Variants in ODAD1 observed in about 807,000 individuals in gnomAD.
ODAD1 encodes outer dynein arm docking complex subunit 1.
ODAD1 carries 49 observed loss-of-function variants against 67.2 expected under a neutral mutation model. The observed-to-expected ratio is 0.73, with a 90% CI of 0.58 to 0.92. The LOEUF (loss-of-function observed/expected upper bound fraction) is 0.92. ODAD1 is among the 40% of genes least tolerant of loss of function. The probability of loss-of-function intolerance (pLI) is 0.00; values close to 1 mark genes in which losing one functional copy is unlikely to be tolerated. For missense variants in ODAD1, 897 were observed against 953.7 expected, an observed-to-expected ratio of 0.94 and a Z score of 0.78; for synonymous variants, 345 against 393.7, an observed-to-expected ratio of 0.88 and a Z score of 1.46.
intron 1 of ODAD1, among the ~76,000 whole-genome samples, chr19:48,321,190 A>G (rs915129946): frequency 9.2e-5 from 14 of 152,178 alleles, no homozygotes; most frequent in African/African-American, 3.4e-4. Flanking sequence ...GTGAGCCGAG[A>G]TCCCGCCACT....
rs575518928 is a variant in ODAD1, at chr19:48,297,933, C to A, written c.1502+67G>T. 370 of 1,302,968 alleles carry A rather than the reference C, an allele frequency of 2.8e-4. No homozygotes were observed. The South Asian group carries it at 4.2e-3, about 15-fold the overall frequency. 80.7% of individuals were successfully genotyped at this position (1,302,968 alleles called of 1,614,324 possible). On this transcript the variant is annotated intron_variant, in intron 14 of 15. Transcript: ENST00000674294. ...CCAAAAGCCCCCCAAAACTCTCTAT[C>A]CTGTGTGTTCCCTCTGCCCCCATGG...
At chr19:48,317,968 G>A (rs571940608) in intron 5 of ODAD1, among the ~76,000 whole-genome samples, 1 of 152,030 alleles carries the variant, frequency 6.6e-6, no homozygotes, top group East Asian at 1.9e-4. Context: ...AGCTACTCGG[G>A]AAGCTGAGGC....
chr19:48,307,822 C>A (rs1383025606), intron 7 of ODAD1, among the ~76,000 whole-genome samples: 712 of 99,166 alleles, frequency 7.2e-3, no homozygotes, highest in East Asian at 9.0e-3. Context: ...GACTCCGTCT[C>A]AAAAAAAAAA....
chr19:48,299,936 G>T lies in ODAD1; in HGVS notation c.1241-1596C>A, dbSNP rs571470495. 9.3e-5 allele frequency among the ~76,000 whole-genome samples: 14 copies of T among 151,246 alleles called. No individual in the cohort carries two copies. The South Asian group carries it at 2.9e-3, about 32-fold the overall frequency. On this transcript the variant is annotated intron_variant, in intron 12 of 15. Coordinates refer to ENST00000674294, the MANE Select transcript of ODAD1 (RefSeq NM_001364171.2). ...CATGCCTATAATCCCAGCACTTTGG[G>T]AGTCCAAGACAGGAGGATCACTTGA... is the stretch of plus-strand genomic sequence containing the variant.
chr19:48,312,349 T>C (rs1248072251), intron 5 of ODAD1, among the ~76,000 whole-genome samples: 1 of 151,738 alleles, frequency 6.6e-6, no homozygotes, highest in African/African-American at 2.4e-5. Flanking sequence ...CTCACAGGGA[T>C]TGGCCTAGAG....
intron 14 of ODAD1, 31 bp downstream of exon 14, chr19:48,297,969 C>T: frequency 1.3e-6 from 2 of 1,550,242 alleles, no homozygotes; most frequent in Non-Finnish European, 1.8e-6. Flanking sequence ...AAGCCCCGTC[C>T]CCTCTGCGTC....
At chr19:48,297,567 AC>A in intron 15 of ODAD1, 22 bp downstream of exon 15, 3 of 1,582,192 alleles carry the variant, frequency 1.9e-6, no homozygotes, top group Admixed American at 1.8e-5. Flanking sequence ...GCCTGGCCCC[AC>A]CCCCGCAGGC....
At chr19:48,310,137 G>C (rs1600867701) in intron 7 of ODAD1, among the ~76,000 whole-genome samples, 2 of 152,288 alleles carry the variant, frequency 1.3e-5, no homozygotes. Context: ...AGGAGGCTGA[G>C]GCAGGAGAAT....
intron 7 of ODAD1, among the ~76,000 whole-genome samples, chr19:48,310,979 G>A (rs998806834): frequency 1.3e-5 from 2 of 152,148 alleles, no homozygotes; most frequent in Non-Finnish European, 2.9e-5. Context: ...TTGGGAGGCC[G>A]AGGAAGGCGG....
In ODAD1 at chr19:48,306,206, C is replaced by T. The variant is rs534550383; in HGVS notation, c.665+50G>A. On this transcript the variant is annotated intron_variant, in intron 8 of 15. Transcript: ENST00000674294. ...CCCATCACTGCCTTATGGAAAGGTG[C>T]GTCCTGAGTCATCTGGGTCCCGCCA... is the stretch of plus-strand genomic sequence containing the variant. 5.2e-6 allele frequency: 8 copies of T among 1,549,406 alleles called. No homozygotes were observed. In the African/African-American group the frequency reaches 5.5e-5, roughly 11 times the overall value.
intron 14 of ODAD1, 47 bp downstream of exon 14, chr19:48,297,953 C>T (rs368546621): frequency 4.8e-6 from 7 of 1,459,558 alleles, no homozygotes; most frequent in Non-Finnish European, 1.9e-6. Context: ...CCCTCTGCCC[C>T]CATGGAAGCC....
chr19:48,311,030 G>A (rs1385557479), intron 7 of ODAD1, among the ~76,000 whole-genome samples: 1 of 152,154 alleles, frequency 6.6e-6, no homozygotes, highest in African/African-American at 2.4e-5. Flanking sequence ...GGCTAACACA[G>A]TGAAACCCCA....
In ODAD1 at chr19:48,321,955, C is replaced by T; in HGVS notation, c.-341G>A. The T allele has an allele frequency of 2.5e-6, 1 of 392,842 alleles. No homozygotes were observed. The highest frequency in any genetic ancestry group is 4.5e-6 in the Non-Finnish European group (1 of 222,338). 24.3% of individuals were successfully genotyped at this position (392,842 alleles called of 1,614,324 possible). On this transcript the variant is annotated 5_prime_UTR_variant, in exon 1 of 16. Transcript: ENST00000674294. ...AAAACGCTTGGCCGCCTACCACGTC[C>T]GCGCGCTGGAGGGCGGAAGTGGGTG...
Position 48,296,752 on chromosome 19 carries a change from A to G in ODAD1, c.*224T>C. ...CAGGAAGCCCAGAGAACAGGAGATC[A>G]GGAGTCAGAGGGAAAAGCAGTGTCA... is the stretch of plus-strand genomic sequence containing the variant. On this transcript the variant is annotated 3_prime_UTR_variant, in exon 16 of 16. Transcript: ENST00000674294. The G allele has an allele frequency of 7.2e-7, 1 of 1,389,418 alleles. No individual in the cohort carries two copies. The highest frequency in any genetic ancestry group is 9.3e-7 in the Non-Finnish European group (1 of 1,077,234). The allele number at this position is 1,389,418 out of a possible 1,614,324, so 86.1% of individuals were successfully genotyped here.
intron 5 of ODAD1, among the ~76,000 whole-genome samples, chr19:48,315,605 C>T (rs1054495047): frequency 1.3e-5 from 2 of 152,108 alleles, no homozygotes; most frequent in Admixed American, 1.3e-4. Flanking sequence ...AAATATCCAT[C>T]GCCCCTAAAA....
Position 48,318,554 on chromosome 19 carries a change from C to T in ODAD1, c.193G>A (p.Glu65Lys). 6.4e-7 allele frequency: 1 copy of T among 1,551,400 alleles called. No individual in the cohort carries two copies. The highest frequency in any genetic ancestry group is 8.7e-7 in the Non-Finnish European group (1 of 1,146,852). Residue 65 changes from glutamate (E) to lysine (K), a missense_variant, in exon 5 of 16, where the codon GAG becomes AAG. Transcript: ENST00000674294. ...TGCACCTGGAGATCGCCCCGTACCT[C>T]CTCCAAGCGCCGGATCTCCTCACTA... ...KQLEEIRRLE[E>K]VRGDLQVQIS...
At position 48,321,774 on chromosome 19, in the gene ODAD1, G is replaced by A. The variant is rs1346240673; in HGVS notation, c.-160C>T. ...AGGTCCTACAAGACGGAGCCCGAGA[G>A]GTGCCGGTCTTAAGCTGACTGTGAC... On this transcript the variant is annotated 5_prime_UTR_variant, in exon 1 of 16. Coordinates refer to ENST00000674294, the MANE Select transcript of ODAD1 (RefSeq NM_001364171.2). 5 of 398,506 alleles carry A rather than the reference G, an allele frequency of 1.3e-5. No homozygotes were observed. Among genetic ancestry groups the A allele is most frequent in the Middle Eastern group, 6.2e-4 (1 of 1,612 alleles). 24.7% of individuals were successfully genotyped at this position (398,506 alleles called of 1,614,324 possible).
chr19:48,313,518 G>A (rs909283451), intron 5 of ODAD1, among the ~76,000 whole-genome samples: 2 of 151,326 alleles, frequency 1.3e-5, no homozygotes, highest in African/African-American at 4.9e-5. Flanking sequence ...TGGAGACAGA[G>A]TCTTCATAGA....
chr19:48,316,195 A>G (rs1968894410), intron 5 of ODAD1, among the ~76,000 whole-genome samples: 1 of 152,126 alleles, frequency 6.6e-6, no homozygotes, highest in Admixed American at 6.6e-5. Context: ...CCTGGCCAAC[A>G]TAGTGAAACC....
Sources: gnomAD v4.1 joint callset for allele counts (sites outside exome capture counted in the v4.1 genomes callset) on GRCh38, gnomAD v4.1.1 for gene constraint, MANE v1.5 for transcripts, NCBI Gene and HGNC (gene_info 2026-07-23, HGNC 2026-07-21) for gene names.